The following DCLK1 variants were observed in gnomAD, a reference collection of about 807,000 sequenced individuals.
DCLK1 encodes the protein serine/threonine-protein kinase DCLK1.
In DCLK1, 16 loss-of-function variants were observed where a neutral mutation model predicts 86.2. The ratio of observed to expected loss-of-function variants is 0.19; its 90% CI spans 0.13 to 0.28. The LOEUF (loss-of-function observed/expected upper bound fraction) is 0.28, where lower values mean the gene tolerates loss of function less well. Ranked by LOEUF, DCLK1 falls within the 10% of genes least tolerant of loss-of-function variation. The probability of loss-of-function intolerance (pLI) is 1.00; values close to 1 mark genes in which losing one functional copy is unlikely to be tolerated. For synonymous variants in DCLK1, 369 were observed against 370.5 expected (o/e 1.00, Z 0.05); for missense variants, 590 against 940.2 (o/e 0.63, Z 4.87).
chr13:35,845,228 A>G (rs960691205), intron 6 of DCLK1, among the ~76,000 whole-genome samples: 6 of 152,210 alleles, frequency 3.9e-5, no homozygotes, highest in Admixed American at 3.3e-4. Flanking sequence ...AGCCTCGGCA[A>G]CAGAGCAAGA....
intron 4 of DCLK1, among the ~76,000 whole-genome samples, chr13:35,895,872 A>C (rs879900059): frequency 3.1e-4 from 47 of 152,110 alleles, no homozygotes; most frequent in Non-Finnish European, 4.9e-4. Flanking sequence ...AAAAACTATT[A>C]CATCTACTAC....
intron 5 of DCLK1, chr13:35,855,588 C>T (rs1020152156): frequency 1.3e-6 from 2 of 1,569,862 alleles, no homozygotes; most frequent in Admixed American, 1.8e-5. Context: ...CAGCACTAAG[C>T]CAAGCACCCG....
At chr13:35,856,453 A>G (rs1299952752) in intron 5 of DCLK1, among the ~76,000 whole-genome samples, 1 of 152,222 alleles carries the variant, frequency 6.6e-6, no homozygotes, top group Non-Finnish European at 1.5e-5. Flanking sequence ...CCCGCATTCT[A>G]CTGCACATCT....
intron 3 of DCLK1, among the ~76,000 whole-genome samples, chr13:36,017,376 AAC>A (rs1366047642): frequency 6.6e-6 from 1 of 152,220 alleles, no homozygotes; most frequent in African/African-American, 2.4e-5. Context: ...GATAGAATGT[AAC>A]ACAACTGGGA....
At chr13:35,999,622 G>A (rs17053310) in intron 3 of DCLK1, among the ~76,000 whole-genome samples, 12,996 of 152,148 alleles carry the variant, frequency 0.085, 807 homozygotes, top group African/African-American at 0.16. Context: ...TGAGGCCTCC[G>A]ACTTCCATTC....
chr13:36,063,218 C>A (rs1004137570), intron 3 of DCLK1, among the ~76,000 whole-genome samples: 11 of 152,096 alleles, frequency 7.2e-5, no homozygotes, highest in Non-Finnish European at 1.5e-5. Context: ...CCACAAAGTG[C>A]CTTTGGGTTT....
intron 14 of DCLK1, 95 bp downstream of exon 14, chr13:35,808,129 A>G (rs2087066492): frequency 8.4e-7 from 1 of 1,183,960 alleles, no homozygotes; most frequent in Non-Finnish European, 1.3e-6. Context: ...AATCATACTT[A>G]TGATGTCATT....
chr13:35,849,179 A>G (rs1870428337), intron 6 of DCLK1: 3 of 985,148 alleles, frequency 3.0e-6, no homozygotes, highest in Non-Finnish European at 3.6e-6. Context: ...TTTTGGTTGG[A>G]ATATTTTATT....
rs536292827 is a variant in DCLK1 at position 36,001,227 on chromosome 13, C to T, written c.724-53770G>A. On this transcript the variant is annotated intron_variant, in intron 3 of 16. Coordinates refer to ENST00000360631, the MANE Select transcript of DCLK1 (RefSeq NM_001330071.2). ...CCTCCCAAAGTGCTGGGATTATAGG[C>T]GTGAGCCACCGCGCCTGGCCGCATA... 7.9e-5 allele frequency among the ~76,000 whole-genome samples: 12 copies of T among 152,276 alleles called. No homozygotes were observed. The South Asian group carries it at 1.9e-3, about 24-fold the overall frequency.
At chr13:35,870,800 C>T (rs1926452) in intron 5 of DCLK1, among the ~76,000 whole-genome samples, 25,725 of 152,096 alleles carry the variant, frequency 0.17, 2,285 homozygotes, top group East Asian at 0.24. Flanking sequence ...ACCTTTAGCT[C>T]CAGAGCCATG....
chr13:35,789,178 A>G (rs2086669623), intron 16 of DCLK1, among the ~76,000 whole-genome samples: 1 of 152,148 alleles, frequency 6.6e-6, no homozygotes, highest in African/African-American at 2.4e-5. Context: ...AGAGGATGCG[A>G]CTTGGACACC....
chr13:35,989,059 T>C (rs568746035), intron 3 of DCLK1, among the ~76,000 whole-genome samples: 2 of 152,118 alleles, frequency 1.3e-5, no homozygotes, highest in East Asian at 1.9e-4. Flanking sequence ...AAATAGAAAC[T>C]TTACAAATTA....
At chr13:35,874,707 A>C (rs987327143) in intron 4 of DCLK1, among the ~76,000 whole-genome samples, 1 of 152,242 alleles carries the variant, frequency 6.6e-6, no homozygotes, top group Admixed American at 6.5e-5. Flanking sequence ...GTCAGAAAAT[A>C]CAATAGGAAA....
At chr13:35,989,687 G>A (rs1880127637) in intron 3 of DCLK1, among the ~76,000 whole-genome samples, 1 of 149,480 alleles carries the variant, frequency 6.7e-6, no homozygotes, top group Middle Eastern at 3.3e-3. Context: ...GGACTACAGT[G>A]CACCATCATG....
At chr13:36,004,877 C>T (rs2153146511) in intron 3 of DCLK1, among the ~76,000 whole-genome samples, 1 of 152,342 alleles carries the variant, frequency 6.6e-6, no homozygotes, top group Non-Finnish European at 1.5e-5. Flanking sequence ...CGCACCTGGC[C>T]TGTTCACAAG....
intron 5 of DCLK1, among the ~76,000 whole-genome samples, chr13:35,863,281 C>G (rs1871532032): frequency 6.6e-6 from 1 of 152,154 alleles, no homozygotes; most frequent in African/African-American, 2.4e-5. Flanking sequence ...ATAATATAAG[C>G]AACTTGAAGG....
At position 35,772,679 on chromosome 13, in the gene DCLK1, A is replaced by G. The variant is rs1299384902; in HGVS notation, c.*1856T>C. 6.6e-6 allele frequency: 1 copy of G among 152,068 alleles called. No individual in the cohort carries two copies. The highest frequency in any genetic ancestry group is 2.4e-5 in the African/African-American group (1 of 41,400). The allele number at this position is 152,068 out of a possible 1,614,324, so 9.4% of individuals were successfully genotyped here. ...CCGGATGCTCTAAAAGGGGGGGAAA[A>G]AAACCTCAATAAACGATATGCTTTT... On this transcript the variant is annotated 3_prime_UTR_variant, in exon 17 of 17. Transcript: ENST00000360631.
rs73525226 is a variant in DCLK1, at chr13:36,058,524, T to A, written c.723+53345A>T. Among the ~76,000 whole-genome samples the A allele has an allele frequency of 8.3e-3, 1,270 of 152,242 alleles. 16 individuals are homozygous for A. The highest frequency in any genetic ancestry group is 0.029 in the African/African-American group (1,196 of 41,536). On this transcript the variant is annotated intron_variant, in intron 3 of 16. Coordinates refer to ENST00000360631, the MANE Select transcript of DCLK1 (RefSeq NM_001330071.2). The stretch of plus-strand genomic sequence containing the variant: ...CACTTAGTGAGGAAGGATGAAGCAA[T>A]TCTAGATATAGGCTGAGAACAAGGT...
intron 3 of DCLK1, among the ~76,000 whole-genome samples, chr13:36,076,254 A>G (rs1264487070): frequency 6.6e-6 from 1 of 152,198 alleles, no homozygotes; most frequent in Admixed American, 6.5e-5. Context: ...AATAATGTAA[A>G]AGATGCCCTA....
Sources: allele counts gnomAD v4.1 joint callset (sites outside exome capture counted in the v4.1 genomes callset), GRCh38; gene constraint gnomAD v4.1.1; transcripts MANE v1.5; gene names NCBI Gene and HGNC (gene_info 2026-07-23, HGNC 2026-07-21).